PTPRO: variants seen among roughly 807,000 people sequenced by gnomAD.
PTPRO encodes receptor-type tyrosine-protein phosphatase O.
A neutral mutation model predicts 145.2 loss-of-function variants in PTPRO; 62 were observed. The ratio of observed to expected loss-of-function variants is 0.43; its 90% confidence interval spans 0.35 to 0.53. The LOEUF is 0.53. PTPRO is among the 20% of genes least tolerant of loss of function. The pLI, the probability that PTPRO is intolerant of heterozygous loss-of-function variation, is 0.01. For missense variants in PTPRO, 1,345 were observed against 1,482.7 expected, an observed-to-expected ratio of 0.91 and a Z score of 1.53; for synonymous variants, 565 against 514.7, an observed-to-expected ratio of 1.10 and a Z score of -1.32.
chr12:15,526,476 C>T (rs1224570374), intron 12 of PTPRO, among the ~76,000 whole-genome samples: 6 of 152,154 alleles, frequency 3.9e-5, no homozygotes, highest in Non-Finnish European at 5.9e-5. Flanking sequence ...CAGTGGTGTT[C>T]GCTGTTCTTT....
intron 1 of PTPRO, among the ~76,000 whole-genome samples, chr12:15,409,756 C>T (rs1284558095): frequency 6.6e-6 from 1 of 152,188 alleles, no homozygotes; most frequent in Non-Finnish European, 1.5e-5. Flanking sequence ...GTGCTACACA[C>T]TTTTAAATGA....
intron 17 of PTPRO, 102 bp from the exon 18 acceptor site, chr12:15,565,491 C>G: frequency 1.3e-6 from 1 of 747,574 alleles, no homozygotes; most frequent in Non-Finnish European, 2.3e-6. Context: ...TTAAATAAAA[C>G]TGAGGTACCT....
At chr12:15,330,646 C>T (rs1164597890) in intron 1 of PTPRO, among the ~76,000 whole-genome samples, 1 of 152,190 alleles carries the variant, frequency 6.6e-6, no homozygotes, top group Non-Finnish European at 1.5e-5. Flanking sequence ...TGGCCAGCCC[C>T]CATTAGGCAG....
In PTPRO at chr12:15,332,329, A is replaced by G. The variant is rs985280286; in HGVS notation, c.75+9528A>G. Among the ~76,000 whole-genome samples the G allele has an allele frequency of 3.3e-5, 5 of 152,348 alleles. No individual in the cohort carries two copies. In the East Asian group the frequency reaches 9.6e-4, roughly 29 times the overall value. ...ATAAAGAAAACATAGCAGCAAGATCAACTGTAATTTAAATCTCAGAATCAG... is the reference window on the plus strand; with the variant it reads ...ATAAAGAAAACATAGCAGCAAGATCGACTGTAATTTAAATCTCAGAATCAG... On this transcript the variant is annotated intron_variant, in intron 1 of 26. Coordinates refer to ENST00000281171, the MANE Select transcript of PTPRO (RefSeq NM_030667.3).
intron 12 of PTPRO, among the ~76,000 whole-genome samples, chr12:15,543,592 A>G (rs1943221227): frequency 6.6e-6 from 1 of 152,200 alleles, no homozygotes. Flanking sequence ...CAGCCGATAA[A>G]TAAGATTTTT....
chr12:15,337,616 A>G (rs948705238), intron 1 of PTPRO: 1 of 152,220 alleles, frequency 6.6e-6, no homozygotes, highest in Non-Finnish European at 1.5e-5. Context: ...TAAAACCTGT[A>G]CACACATATT....
chr12:15,582,099 C>A (rs961584918), intron 23 of PTPRO, among the ~76,000 whole-genome samples: 1 of 152,254 alleles, frequency 6.6e-6, no homozygotes, highest in Non-Finnish European at 1.5e-5. Context: ...TAGTTATCTG[C>A]AGCATGAACG....
chr12:15,398,900 C>T (rs58807917), intron 1 of PTPRO, among the ~76,000 whole-genome samples: 2,150 of 152,164 alleles, frequency 0.014, 57 homozygotes, highest in African/African-American at 0.049. Flanking sequence ...GAGTGCGGCT[C>T]AACACTAGAA....
chr12:15,404,024 G>C (rs1026949363), intron 1 of PTPRO, among the ~76,000 whole-genome samples: 4 of 151,534 alleles, frequency 2.6e-5, no homozygotes, highest in African/African-American at 9.7e-5. Context: ...GTGAAACCCC[G>C]TCTCTACTAA....
At chr12:15,421,316 G>A (rs946505625) in intron 1 of PTPRO, among the ~76,000 whole-genome samples, 1 of 152,130 alleles carries the variant, frequency 6.6e-6, no homozygotes, top group African/African-American at 2.4e-5. Flanking sequence ...ATTCATTTAA[G>A]CTGTAATTCA....
intron 1 of PTPRO, among the ~76,000 whole-genome samples, chr12:15,412,714 T>C (rs1301533303): frequency 6.6e-6 from 1 of 152,248 alleles, no homozygotes; most frequent in African/African-American, 2.4e-5. Context: ...CAGTACAACA[T>C]TTTATAAAAC....
At chr12:15,365,722 A>G (rs532605352) in intron 1 of PTPRO, among the ~76,000 whole-genome samples, 13 of 152,246 alleles carry the variant, frequency 8.5e-5, no homozygotes, top group African/African-American at 2.9e-4. Context: ...CTACAAGGAA[A>G]ATCCTTTTCA....
intron 19 of PTPRO, among the ~76,000 whole-genome samples, chr12:15,574,474 C>T (rs1944133737): frequency 6.6e-6 from 1 of 152,216 alleles, no homozygotes; most frequent in African/African-American, 2.4e-5. Context: ...CTCACCATCT[C>T]TGTTCAGACA....
chr12:15,494,673 T>A (rs1049620765), intron 2 of PTPRO, among the ~76,000 whole-genome samples: 1 of 151,364 alleles, frequency 6.6e-6, no homozygotes, highest in Non-Finnish European at 1.5e-5. Context: ...AAAGTTTAAG[T>A]AGCTTGTTGC....
At chr12:15,570,743 A>C (rs1477671270) in intron 19 of PTPRO, among the ~76,000 whole-genome samples, 1 of 152,228 alleles carries the variant, frequency 6.6e-6, no homozygotes, top group East Asian at 1.9e-4. Flanking sequence ...CTCTGAAAAA[A>C]TAAATAGCTA....
chr12:15,509,876 C>G (rs930989467), intron 7 of PTPRO, among the ~76,000 whole-genome samples: 2 of 151,950 alleles, frequency 1.3e-5, no homozygotes. Flanking sequence ...CCAGAACAAA[C>G]CCTAGTGAAA....
Position 15,578,900 on chromosome 12 carries a change from T to G in PTPRO, c.2877T>G (p.Leu959=). ...GLDIPHFAAD[L]PLNRCKNRYT... is the part of the protein sequence containing the mutation. ...ATATCCCACACTTTGCTGCAGATCTTCCACTGAATCGATGTAAAAACCGTT... is the reference window on the plus strand; with the variant it reads ...ATATCCCACACTTTGCTGCAGATCTGCCACTGAATCGATGTAAAAACCGTT... The change falls in exon 20 of 27, where the codon CTT becomes CTG. Residue 959 remains leucine (L), a synonymous_variant. Coordinates refer to ENST00000281171, the MANE Select transcript of PTPRO (RefSeq NM_030667.3). 6.2e-7 allele frequency: 1 copy of G among 1,607,926 alleles called. No homozygotes were observed. The highest frequency in any genetic ancestry group is 8.5e-7 in the Non-Finnish European group (1 of 1,174,376).
chr12:15,362,425 A>G (rs1938238384), intron 1 of PTPRO, among the ~76,000 whole-genome samples: 1 of 152,228 alleles, frequency 6.6e-6, no homozygotes, highest in African/African-American at 2.4e-5. Flanking sequence ...GTTCAATATA[A>G]TTCCATTATT....
At chr12:15,580,624 T>TC in intron 21 of PTPRO, 73 bp from the exon 22 acceptor site, 2 of 1,598,478 alleles carry the variant, frequency 1.3e-6, no homozygotes, top group Non-Finnish European at 1.7e-6. Flanking sequence ...TCAGTTTTTT[T>TC]CCCATAGGCG....
Sources: allele counts gnomAD v4.1 joint callset (sites outside exome capture counted in the v4.1 genomes callset), GRCh38; gene constraint gnomAD v4.1.1; transcripts MANE v1.5; gene names NCBI Gene and HGNC (gene_info 2026-07-23, HGNC 2026-07-21).